PPP1R1C: variants seen among roughly 807,000 people sequenced by gnomAD.
PPP1R1C encodes the protein protein phosphatase 1 regulatory inhibitor subunit 1C, also known as protein phosphatase 1 regulatory subunit 1C.
A neutral mutation model predicts 17.4 loss-of-function variants in PPP1R1C; 15 were observed. The ratio of observed to expected loss-of-function variants is 0.86; its 90% CI spans 0.58 to 1.33. The LOEUF is 1.33. Ranked by LOEUF, PPP1R1C falls within the 40% of genes most tolerant of loss-of-function variation. The pLI is 0.00. For missense variants in PPP1R1C, 143 were observed against 130.0 expected, an observed-to-expected ratio of 1.10 and a Z score of -0.48; for synonymous variants, 35 against 43.1, an observed-to-expected ratio of 0.81 and a Z score of 0.73.
downstream of PPP1R1C, among the ~76,000 whole-genome samples, chr2:182,122,742 T>C (rs1052922645): frequency 6.6e-6 from 1 of 151,910 alleles, no homozygotes; most frequent in African/African-American, 2.4e-5. Context: ...AAAGAAAAAA[T>C]ATTGTTAGAT....
chr2:181,999,719 T>C (rs1401910964), intron 2 of PPP1R1C, among the ~76,000 whole-genome samples: 1 of 152,004 alleles, frequency 6.6e-6, no homozygotes, highest in Admixed American at 6.6e-5. Context: ...TTTGTATTTA[T>C]TAGTTAAGAA....
intron 2 of PPP1R1C, among the ~76,000 whole-genome samples, chr2:182,039,130 A>G (rs1687105316): frequency 6.6e-6 from 1 of 152,244 alleles, no homozygotes; most frequent in Non-Finnish European, 1.5e-5. Flanking sequence ...TTTTCAATTT[A>G]TATAAGTATT....
intron 1 of PPP1R1C, among the ~76,000 whole-genome samples, chr2:181,963,190 C>T (rs1684840283): frequency 6.6e-6 from 1 of 151,820 alleles, no homozygotes; most frequent in African/African-American, 2.4e-5. Context: ...ATAGCAACCC[C>T]CAAACCATAA....
rs147813105 is a variant in PPP1R1C, at chr2:182,071,589, A to G, written c.241+7798A>G. ...TTGGAAGGAAGTCACTGTGTGTAGT[A>G]CCCATTTAAAGAGTGGGAAGCTGCA... On this transcript the variant is annotated intron_variant, in intron 4 of 4. Coordinates refer to ENST00000682840, the MANE Select transcript of PPP1R1C (RefSeq NM_001080545.3). Among the ~76,000 whole-genome samples, 284 of 152,274 alleles carry G rather than the reference A, an allele frequency of 1.9e-3. 1 individual carries two copies. The highest frequency in any genetic ancestry group is 6.0e-3 in the African/African-American group (249 of 41,552).
chr2:182,103,037 C>T (rs1478961864), intron 4 of PPP1R1C, among the ~76,000 whole-genome samples: 2 of 152,162 alleles, frequency 1.3e-5, no homozygotes, highest in Non-Finnish European at 2.9e-5. Flanking sequence ...CTCCTGGGCT[C>T]AAGCAATCCA....
At chr2:182,081,881 A>G (rs1451618778) in intron 4 of PPP1R1C, among the ~76,000 whole-genome samples, 3 of 152,200 alleles carry the variant, frequency 2.0e-5, no homozygotes, top group African/African-American at 7.2e-5. Flanking sequence ...CCGTATGTCC[A>G]CATAAAAAGT....
chr2:182,036,341 T>C (rs1687003234), intron 2 of PPP1R1C, among the ~76,000 whole-genome samples: 3 of 152,202 alleles, frequency 2.0e-5, no homozygotes, highest in African/African-American at 7.2e-5. Flanking sequence ...TGAGATTAAA[T>C]AGAATATAAC....
chr2:182,004,298 G>A (rs1031762162), intron 2 of PPP1R1C, among the ~76,000 whole-genome samples: 13 of 152,150 alleles, frequency 8.5e-5, no homozygotes, highest in Admixed American at 3.3e-4. Flanking sequence ...GCAATACACA[G>A]ATTTTCAGTA....
At chr2:182,117,165 A>C (rs1276716397) in intron 4 of PPP1R1C, 42 bp from the exon 5 acceptor site, 1 of 1,349,964 alleles carries the variant, frequency 7.4e-7, no homozygotes, top group Non-Finnish European at 1.0e-6. Flanking sequence ...ATATTCCAGA[A>C]ATGAAAATCA....
chr2:182,029,167 A>G lies in PPP1R1C; in HGVS notation c.143-32275A>G, dbSNP rs1686727387. ...CTGATGGGTCTTGACTCTTTATCCA[A>G]TTTGCCAGTCTGTGTCTTTTAATTG... On this transcript the variant is annotated intron_variant, in intron 2 of 4. Transcript: ENST00000682840. 4.1e-5 allele frequency among the ~76,000 whole-genome samples: 6 copies of G among 146,990 alleles called. No individual in the cohort carries two copies. In the South Asian group the frequency reaches 1.1e-3, roughly 27 times the overall value.
chr2:182,090,610 T>C (rs961737994), intron 4 of PPP1R1C, among the ~76,000 whole-genome samples: 2 of 152,174 alleles, frequency 1.3e-5, no homozygotes, highest in African/African-American at 4.8e-5. Context: ...TACATCTTAT[T>C]TGAAATGTTA....
intron 4 of PPP1R1C, among the ~76,000 whole-genome samples, chr2:182,089,439 T>G (rs1314476314): frequency 6.6e-6 from 1 of 152,198 alleles, no homozygotes; most frequent in Non-Finnish European, 1.5e-5. Flanking sequence ...CATGCTTAGA[T>G]GGGCATATTT....
At chr2:181,968,964 G>A (rs994344719) in intron 1 of PPP1R1C, among the ~76,000 whole-genome samples, 3 of 152,034 alleles carry the variant, frequency 2.0e-5, no homozygotes, top group African/African-American at 7.2e-5. Flanking sequence ...AAACAAACAA[G>A]CAAAGAGAAA....
Position 181,962,152 on chromosome 2 carries a change from C to G in PPP1R1C, n.111+7518C>G, listed in dbSNP as rs1438811313. ...TCTCCAGGTGCTCCCGGATTTTGCTCTCCAGCTTCCGGTTCTTGGTCTCCA... is the reference window on the plus strand; with the variant it reads ...TCTCCAGGTGCTCCCGGATTTTGCTGTCCAGCTTCCGGTTCTTGGTCTCCA... On this transcript the variant is annotated intron_variant and non_coding_transcript_variant, in intron 1 of 5. Transcript: ENST00000464264. The surrounding 1 kb of genome is among the most constrained non-coding windows in gnomAD (Gnocchi z 6.0). 1.4e-6 allele frequency: 1 copy of G among 737,692 alleles called. No homozygotes were observed. The highest frequency in any genetic ancestry group is 1.7e-5 in the African/African-American group (1 of 57,842). 45.7% of individuals were successfully genotyped at this position (737,692 alleles called of 1,614,324 possible).
intron 4 of PPP1R1C, 110 bp downstream of exon 4, chr2:182,063,901 C>G: frequency 1.2e-6 from 1 of 838,508 alleles, no homozygotes; most frequent in Non-Finnish European, 2.1e-6. Context: ...AGTCTCAGCT[C>G]TACAACTTAA....
intron 5 of PPP1R1C, among the ~76,000 whole-genome samples, chr2:182,124,927 T>G (rs1440588379): frequency 2.0e-5 from 3 of 152,146 alleles, no homozygotes; most frequent in Non-Finnish European, 4.4e-5. Context: ...CTTCCAATAC[T>G]ATGTTGAATA....
chr2:182,123,774 T>A (rs1306158956), intron 5 of PPP1R1C, among the ~76,000 whole-genome samples: 1 of 152,230 alleles, frequency 6.6e-6, no homozygotes, highest in Non-Finnish European at 1.5e-5. Flanking sequence ...AATAGATAGA[T>A]TGCAAAACTT....
intron 2 of PPP1R1C, among the ~76,000 whole-genome samples, chr2:182,044,840 C>A (rs1271148053): frequency 6.6e-6 from 1 of 152,188 alleles, no homozygotes; most frequent in African/African-American, 2.4e-5. Flanking sequence ...CACAGATTAT[C>A]ATAGGCGTTA....
intron 3 of PPP1R1C, among the ~76,000 whole-genome samples, chr2:182,063,423 T>C (rs1462306042): frequency 6.6e-6 from 1 of 152,068 alleles, no homozygotes; most frequent in Non-Finnish European, 1.5e-5. Flanking sequence ...ATGAAAAGGA[T>C]TGGTGTCTCT....
Sources: gnomAD v4.1 joint callset for allele counts (sites outside exome capture counted in the v4.1 genomes callset) on GRCh38, gnomAD v4.1.1 for gene constraint, Gnocchi (gnomAD v3.1) non-coding constraint, MANE v1.5 for transcripts, NCBI Gene and HGNC (gene_info 2026-07-23, HGNC 2026-07-21) for gene names.